Variants in EFCAB8 observed in about 807,000 individuals in gnomAD.
The protein encoded by EFCAB8 is EF-hand calcium-binding domain-containing protein 8.
Under a neutral mutation model 116.3 loss-of-function variants are expected in EFCAB8, and 100 were observed. The ratio of observed to expected loss-of-function variants is 0.86; its 90% CI spans 0.73 to 1.02. The LOEUF (loss-of-function observed/expected upper bound fraction) is 1.02, where lower values mean the gene tolerates loss of function less well. Among genes scored for constraint, EFCAB8 ranks in the 50% least tolerant of loss-of-function variants. EFCAB8 has a pLI of 0.00. For missense variants in EFCAB8, 1,320 were observed against 1,416.9 expected, an observed-to-expected ratio of 0.93 and a Z score of 1.10; for synonymous variants, 558 against 567.9, an observed-to-expected ratio of 0.98 and a Z score of 0.25.
intron 16 of EFCAB8, 85 bp from the exon 17 acceptor site, chr20:32,912,709 C>G (rs1986999091): frequency 4.3e-6 from 3 of 704,374 alleles, no homozygotes; most frequent in Non-Finnish European, 7.9e-6. Context: ...TGACTTCTTG[C>G]TTGGCACCTT....
intron 5 of EFCAB8, among the ~76,000 whole-genome samples, chr20:32,884,549 C>T: frequency 6.6e-6 from 1 of 152,204 alleles, no homozygotes; most frequent in Non-Finnish European, 1.5e-5. Flanking sequence ...TTCCCTTGCT[C>T]TTCTGCAGAG....
At chr20:32,901,000 C>A (rs909862880) in intron 11 of EFCAB8, among the ~76,000 whole-genome samples, 1 of 152,240 alleles carries the variant, frequency 6.6e-6, no homozygotes, top group African/African-American at 2.4e-5. Flanking sequence ...CCGCGCCCGG[C>A]CGTCCAGTGC....
chr20:32,863,674 C>A (rs1984242445), intron 1 of EFCAB8, 109 bp from the exon 2 acceptor site: 3 of 1,045,560 alleles, frequency 2.9e-6, no homozygotes, highest in African/African-American at 1.6e-5. Flanking sequence ...AAGCCACCCT[C>A]TCCCTTGACC....
chr20:32,892,253 C>T lies in EFCAB8; in HGVS notation c.714C>T (p.Phe238=). 3.9e-6 allele frequency: 6 copies of T among 1,551,702 alleles called. No homozygotes were observed. The highest frequency in any genetic ancestry group is 3.5e-6 in the Non-Finnish European group (4 of 1,147,002). Residue 238 remains phenylalanine (F), a synonymous_variant, in exon 8 of 27, where the codon TTC becomes TTT. Transcript: ENST00000400522. ...DISDHKCVRA[F]TFVDLDSCAL... is the part of the protein sequence containing the mutation. ...GTGACCACAAATGTGTCCGGGCCTTCACCTTTGTTGATCTGGACAGCTGTG... is the reference window on the plus strand; with the variant it reads ...GTGACCACAAATGTGTCCGGGCCTTTACCTTTGTTGATCTGGACAGCTGTG...
chr20:32,860,269 C>T (rs1984034495), intron 1 of EFCAB8, among the ~76,000 whole-genome samples: 1 of 151,964 alleles, frequency 6.6e-6, no homozygotes, highest in South Asian at 2.1e-4. Context: ...GATTGAGCCA[C>T]TGCATTCCAG....
chr20:32,870,559 T>C (rs963957367), intron 3 of EFCAB8, among the ~76,000 whole-genome samples: 15 of 152,122 alleles, frequency 9.9e-5, no homozygotes, highest in Non-Finnish European at 1.3e-4. Flanking sequence ...AGTGGAGTGG[T>C]GTGATCATAA....
intron 11 of EFCAB8, among the ~76,000 whole-genome samples, chr20:32,904,085 C>T (rs1401345365): frequency 6.6e-6 from 1 of 151,968 alleles, no homozygotes; most frequent in Non-Finnish European, 1.5e-5. Context: ...ACCTCAAACT[C>T]CCAGGCTCAA....
chr20:32,919,503 T>A (rs1439450527), intron 19 of EFCAB8, among the ~76,000 whole-genome samples: 1 of 152,120 alleles, frequency 6.6e-6, no homozygotes, highest in Non-Finnish European at 1.5e-5. Context: ...CTTATTTTTA[T>A]TTTTATTTTT....
intron 20 of EFCAB8, among the ~76,000 whole-genome samples, chr20:32,929,400 A>C (rs1235123650): frequency 6.6e-6 from 1 of 151,864 alleles, no homozygotes; most frequent in African/African-American, 2.4e-5. Context: ...TTCTACAACA[A>C]TAAGGATAAT....
intron 22 of EFCAB8, among the ~76,000 whole-genome samples, chr20:32,939,422 A>ACAGG (rs1308865570): frequency 6.9e-6 from 1 of 145,830 alleles, no homozygotes; most frequent in African/African-American, 2.6e-5. Context: ...AGCTGGGACT[A>ACAGG]CAGGCATGTG....
chr20:32,921,831 C>CTTT (rs11483441), intron 20 of EFCAB8, among the ~76,000 whole-genome samples: 14 of 130,214 alleles, frequency 1.1e-4, no homozygotes, highest in Non-Finnish European at 1.6e-4. Context: ...TTACCTTATT[C>CTTT]TTTTTTTTTT....
At chr20:32,960,221 C>A in intron 26 of EFCAB8, 60 bp downstream of exon 26, 1 of 1,416,660 alleles carries the variant, frequency 7.1e-7, no homozygotes, top group Non-Finnish European at 9.7e-7. Context: ...GATCCCATGT[C>A]CACCAGCAGC....
At chr20:32,929,459 T>TCCCTCCCCCC (rs777470724) in intron 20 of EFCAB8, among the ~76,000 whole-genome samples, 3 of 139,496 alleles carry the variant, frequency 2.2e-5, no homozygotes, top group African/African-American at 8.6e-5. Context: ...TTTTCTCCCT[T>TCCCTCCCCCC]CCCTCCCCTC....
Position 32,906,991 on chromosome 20 carries a change from C to A in EFCAB8, c.1305C>A (p.Asp435Glu), listed in dbSNP as rs373317696. 4.6e-4 allele frequency: 692 copies of A among 1,513,174 alleles called. No individual in the cohort carries two copies. Among genetic ancestry groups the A allele is most frequent in the Non-Finnish European group, 5.9e-4 (665 of 1,126,334 alleles). The allele number at this position is 1,513,174 out of a possible 1,614,324, so 93.7% of individuals were successfully genotyped here. Residue 435 changes from aspartate (D) to glutamate (E), a missense_variant, in exon 13 of 27, where the codon GAC (aspartate) becomes GAA (glutamate). Physicochemically the swap from Asp to Glu is conservative, Grantham distance 45. Transcript: ENST00000400522. ...NNSILISVSK[D>E]KNIRVWDMLD... Reference sequence around the variant, plus strand: ...GCATCCTCATCAGTGTCTCCAAGGACAAGGTCCGCCCCGACGGTCCGCCTG... The same window carrying A: ...GCATCCTCATCAGTGTCTCCAAGGAAAAGGTCCGCCCCGACGGTCCGCCTG...
rs1245960386 is a variant in EFCAB8, at chr20:32,934,983, A to G, written c.2790+3647A>G. ...TTCTTTTTTCTGCCTCCTCACCAAC[A>G]CTTGTTTCTTGTCTTTTTGATAACA... On this transcript the variant is annotated intron_variant, in intron 22 of 26. Transcript: ENST00000400522. Among the ~76,000 whole-genome samples, 7 of 151,858 alleles carry G rather than the reference A, an allele frequency of 4.6e-5. No homozygotes were observed. The East Asian group carries it at 1.4e-3, about 29-fold the overall frequency.
rs1989100193 is a variant in EFCAB8, at chr20:32,960,139, C to T, written c.3371C>T (p.Pro1124Leu). ...ACCAGGTTCCTGTCCACCAGGGTGC[C>T]ATATGGCTGGATGAAGCATCAGGTA... ...QNTRFLSTRV[P>L]YGWMKHQISP... The change falls in exon 26 of 27, where the codon CCA becomes CTA. Residue 1124 changes from proline to leucine, a missense_variant. Coordinates refer to ENST00000400522, the MANE Select transcript of EFCAB8 (RefSeq NM_001143967.2). The T allele has an allele frequency of 1.3e-6, 2 of 1,551,664 alleles. No homozygotes were observed. Among genetic ancestry groups the T allele is most frequent in the South Asian group, 2.4e-5 (2 of 84,032 alleles).
intron 7 of EFCAB8, 96 bp from the exon 8 acceptor site, chr20:32,892,117 A>G: frequency 1.8e-6 from 2 of 1,107,640 alleles, no homozygotes; most frequent in Non-Finnish European, 2.7e-6. Context: ...TGAAGGGGCC[A>G]GAGATTCCTT....
chr20:32,960,123 C>T lies in EFCAB8; in HGVS notation c.3355C>T (p.Leu1119=). ...PKERLQNTRF[L]STRVPYGWMK... ...GGAACGCTTGCAGAATACCAGGTTC[C>T]TGTCCACCAGGGTGCCATATGGCTG... Residue 1119 remains leucine (L), a synonymous_variant, in exon 26 of 27, where the codon CTG becomes TTG. Coordinates refer to ENST00000400522, the MANE Select transcript of EFCAB8 (RefSeq NM_001143967.2). The T allele has an allele frequency of 6.4e-7, 1 of 1,551,736 alleles. No individual in the cohort carries two copies. The highest frequency in any genetic ancestry group is 1.2e-5 in the South Asian group (1 of 84,064).
Position 32,867,709 on chromosome 20 carries a change from T to G in EFCAB8, c.170T>G (p.Ile57Arg). Residue 57 changes from isoleucine (I) to arginine (R), a missense_variant, in exon 3 of 27, where the codon ATA becomes AGA. Coordinates refer to ENST00000400522, the MANE Select transcript of EFCAB8 (RefSeq NM_001143967.2). ...TTTACTGAGATACACCTGGCCAAGATAGAGAAAATGTTTGAGGAGGACATC... is the reference window on the plus strand; with the variant it reads ...TTTACTGAGATACACCTGGCCAAGAGAGAGAAAATGTTTGAGGAGGACATC... The part of the protein sequence containing the change: ...QLFTEIHLAK[I>R]EKMFEEDINS... 6.4e-7 allele frequency: 1 copy of G among 1,551,646 alleles called. No individual in the cohort carries two copies. Among genetic ancestry groups the G allele is most frequent in the Non-Finnish European group, 8.7e-7 (1 of 1,146,984 alleles).
Sources: gnomAD v4.1 joint callset for allele counts (sites outside exome capture counted in the v4.1 genomes callset) on GRCh38, gnomAD v4.1.1 for gene constraint, MANE v1.5 for transcripts, NCBI Gene and HGNC (gene_info 2026-07-23, HGNC 2026-07-21) for gene names.